Variants in ERBB4 observed in about 807,000 individuals in gnomAD.
ERBB4 encodes receptor tyrosine-protein kinase erbB-4.
In ERBB4, 42 loss-of-function variants were observed where a neutral mutation model predicts 158.0. The ratio of observed to expected loss-of-function variants is 0.27; its 90% confidence interval spans 0.21 to 0.34. ERBB4 has a LOEUF of 0.34. ERBB4 is among the 10% of genes least tolerant of loss of function. ERBB4 has a pLI of 1.00. For synonymous variants in ERBB4, 583 were observed against 558.7 expected (o/e 1.04, Z -0.61); for missense variants, 1,333 against 1,624.1 (o/e 0.82, Z 3.08).
chr2:211,701,919 G>GA, intron 12 of ERBB4, 48 bp downstream of exon 12: 1 of 1,422,722 alleles, frequency 7.0e-7, no homozygotes, highest in East Asian at 2.3e-5. Context: ...AGAAGAATGG[G>GA]AAAAAATTTA....
chr2:211,720,833 C>G (rs2074067657), intron 7 of ERBB4, among the ~76,000 whole-genome samples: 3 of 152,224 alleles, frequency 2.0e-5, no homozygotes. Flanking sequence ...TTACACCGTT[C>G]TCCCATTTCT....
intron 2 of ERBB4, among the ~76,000 whole-genome samples, chr2:211,994,696 G>A (rs1043652668): frequency 2.0e-5 from 3 of 152,008 alleles, no homozygotes; most frequent in African/African-American, 7.2e-5. Context: ...ATATCTTCTA[G>A]ACGTGAGTTG....
chr2:212,294,629 T>G (rs1379141865), intron 1 of ERBB4, among the ~76,000 whole-genome samples: 1 of 152,078 alleles, frequency 6.6e-6, no homozygotes, highest in African/African-American at 2.4e-5. Flanking sequence ...CTATCAAAAC[T>G]ATACTTACAA....
At chr2:212,182,445 C>T (rs1172041991) in intron 1 of ERBB4, among the ~76,000 whole-genome samples, 1 of 151,818 alleles carries the variant, frequency 6.6e-6, no homozygotes, top group Non-Finnish European at 1.5e-5. Flanking sequence ...AGTACCCACA[C>T]CTTTTTGAGC....
At chr2:212,218,446 C>T (rs2083178430) in intron 1 of ERBB4, among the ~76,000 whole-genome samples, 1 of 151,126 alleles carries the variant, frequency 6.6e-6, no homozygotes, top group African/African-American at 2.4e-5. Flanking sequence ...TGTTTGCATC[C>T]TTGCTTACTA....
At chr2:211,645,007 T>A (rs1005825496) in intron 16 of ERBB4, among the ~76,000 whole-genome samples, 1 of 151,894 alleles carries the variant, frequency 6.6e-6, no homozygotes, top group African/African-American at 2.4e-5. Context: ...ATAGCAGTTA[T>A]TGGGTCCTAA....
chr2:211,415,496 A>G (rs568487843), intron 25 of ERBB4, among the ~76,000 whole-genome samples: 6 of 152,300 alleles, frequency 3.9e-5, no homozygotes, highest in African/African-American at 1.4e-4. Context: ...TATGCATCAT[A>G]AGGAAACATA....
At chr2:212,169,428 T>A (rs1156699092) in intron 1 of ERBB4, among the ~76,000 whole-genome samples, 6 of 152,176 alleles carry the variant, frequency 3.9e-5, no homozygotes, top group Non-Finnish European at 8.8e-5. Context: ...CTCTATTTAA[T>A]GAATGATGCT....
chr2:211,888,961 G>C (rs957362547), intron 3 of ERBB4, among the ~76,000 whole-genome samples: 4 of 150,756 alleles, frequency 2.7e-5, no homozygotes, highest in Non-Finnish European at 5.9e-5. Context: ...AGGCAGCAGC[G>C]AGGCTGGGGG....
intron 20 of ERBB4, among the ~76,000 whole-genome samples, chr2:211,529,979 A>G (rs1265806151): frequency 6.6e-6 from 1 of 152,070 alleles, no homozygotes; most frequent in Non-Finnish European, 1.5e-5. Context: ...AGGATACTGG[A>G]TAAAAGTGGA....
rs1449527787 is a variant in ERBB4 at position 211,377,216 on chromosome 2, A to AT, written c.*6398dup. The AT allele has an allele frequency of 4.3e-6, 1 of 232,948 alleles. No individual in the cohort carries two copies. The highest frequency in any genetic ancestry group is 8.5e-6 in the Non-Finnish European group (1 of 117,684). The allele number at this position is 232,948 out of a possible 1,614,324, so 14.4% of individuals were successfully genotyped here. ...ATTAACTAAAAAATCTGGAAATGAC[A>AT]TTTGAAAACCAGATTCGTGTCAATA... is the stretch of plus-strand genomic sequence containing the variant. On this transcript the variant is annotated 3_prime_UTR_variant, in exon 28 of 28. Coordinates refer to ENST00000342788, the MANE Select transcript of ERBB4 (RefSeq NM_005235.3).
chr2:211,664,502 G>T (rs1195930786), intron 15 of ERBB4, among the ~76,000 whole-genome samples: 1 of 152,160 alleles, frequency 6.6e-6, no homozygotes, highest in Non-Finnish European at 1.5e-5. Flanking sequence ...CCGGAGGAAT[G>T]AAAAGGAAAA....
intron 1 of ERBB4, among the ~76,000 whole-genome samples, chr2:212,483,703 C>T (rs906284028): frequency 2.6e-5 from 4 of 152,100 alleles, no homozygotes; most frequent in Non-Finnish European, 5.9e-5. Context: ...TCTAAATCTG[C>T]TATTAATTTC....
Position 211,922,768 on chromosome 2 carries a change from T to C in ERBB4, c.421+24662A>G, listed in dbSNP as rs549690208. Among the ~76,000 whole-genome samples, 239 of 152,228 alleles carry C rather than the reference T, an allele frequency of 1.6e-3. 1 individual carries two copies. Among genetic ancestry groups the C allele is most frequent in the African/African-American group, 5.5e-3 (229 of 41,560 alleles). ...GGTGGTGTGGATTGTCAAAAAAACC[T>C]TGTCAGAGGATATAACCTTTAAACT... On this transcript the variant is annotated intron_variant, in intron 3 of 27. Coordinates refer to ENST00000342788, the MANE Select transcript of ERBB4 (RefSeq NM_005235.3).
In ERBB4 at chr2:212,446,591, G is replaced by GTATATATATATA. The variant is rs71057412; in HGVS notation, c.82+91846_82+91857dup. The stretch of plus-strand genomic sequence containing the variant: ...TTAATAAACTCCCATATATATATAT[G>GTATATATATATA]TATATATATATATATATATATATAT... On this transcript the variant is annotated intron_variant, in intron 1 of 27. Transcript: ENST00000342788. Among the ~76,000 whole-genome samples the GTATATATATATA allele has an allele frequency of 4.5e-3, 124 of 27,456 alleles. 17 individuals are homozygous for GTATATATATATA. Among genetic ancestry groups the GTATATATATATA allele is most frequent in the Non-Finnish European group, 5.5e-3 (92 of 16,830 alleles). The allele number at this position is 27,456 out of a possible 152,430, so 18.0% of individuals were successfully genotyped here.
chr2:211,842,916 C>G (rs1409947933), intron 3 of ERBB4, among the ~76,000 whole-genome samples: 3 of 152,172 alleles, frequency 2.0e-5, no homozygotes, highest in African/African-American at 4.8e-5. Flanking sequence ...TTCTTACAAA[C>G]AAATCTGATA....
chr2:212,158,518 A>G (rs1296989446), intron 1 of ERBB4, among the ~76,000 whole-genome samples: 1 of 151,976 alleles, frequency 6.6e-6, no homozygotes, highest in Non-Finnish European at 1.5e-5. Flanking sequence ...TCAATATCTT[A>G]TATCTCCTAC....
intron 3 of ERBB4, among the ~76,000 whole-genome samples, chr2:211,832,430 A>G (rs2077242191): frequency 6.6e-6 from 1 of 152,096 alleles, no homozygotes; most frequent in Non-Finnish European, 1.5e-5. Flanking sequence ...AAATGATTCT[A>G]TTTATGTATT....
rs188844896 is a variant in ERBB4, at chr2:211,699,487, G to A, written c.1489+2480C>T. Among the ~76,000 whole-genome samples the A allele has an allele frequency of 1.3e-4, 20 of 152,282 alleles. No individual in the cohort carries two copies. The East Asian group carries it at 3.7e-3, about 28-fold the overall frequency. ...AAGTTTACAGGGTAATTATATTTCTGAAAATGGAGGCATATGGAATTTTTA... is the reference window on the plus strand; with the variant it reads ...AAGTTTACAGGGTAATTATATTTCTAAAAATGGAGGCATATGGAATTTTTA... On this transcript the variant is annotated intron_variant, in intron 12 of 27. Coordinates refer to ENST00000342788, the MANE Select transcript of ERBB4 (RefSeq NM_005235.3).
Sources: gnomAD v4.1 joint callset for allele counts (sites outside exome capture counted in the v4.1 genomes callset) on GRCh38, gnomAD v4.1.1 for gene constraint, MANE v1.5 for transcripts, NCBI Gene and HGNC (gene_info 2026-07-23, HGNC 2026-07-21) for gene names.